Variants in CEP104 observed in about 807,000 individuals in gnomAD.
CEP104 encodes centrosomal protein 104.
In CEP104, 84 loss-of-function variants were observed where a neutral mutation model predicts 113.3. The ratio of observed to expected loss-of-function variants is 0.74; its 90% CI spans 0.62 to 0.89. The LOEUF (loss-of-function observed/expected upper bound fraction) is 0.89. CEP104 is among the 40% of genes least tolerant of loss of function. CEP104 has a pLI of 0.00. For missense variants in CEP104, 1,053 were observed against 1,156.6 expected (o/e 0.91, Z 1.30); for synonymous variants, 378 against 421.7 (o/e 0.90, Z 1.27).
chr1:3,837,333 C>A lies in CEP104; in HGVS notation c.1078G>T (p.Asp360Tyr), dbSNP rs138041564. The A allele has an allele frequency of 6.2e-7, 1 of 1,613,970 alleles. No homozygotes were observed. The highest frequency in any genetic ancestry group is 8.5e-7 in the Non-Finnish European group (1 of 1,179,884). Residue 360 changes from aspartate to tyrosine, a missense_variant, in exon 9 of 22, where the codon GAC becomes TAC. By Grantham distance (160) the Asp-to-Tyr change is radical. Transcript: ENST00000378230. ...GGATCTGTGGCAGGGAGTAACGGGT[C>A]TACTGCAGAATGCTGAGGAGAAATA... ...LTISPQHSAVDPLLPATDPHP... is the reference protein window; with the variant it reads ...LTISPQHSAVYPLLPATDPHP...
chr1:3,839,978 C>T (rs770907047), intron 6 of CEP104, among the ~76,000 whole-genome samples: 57 of 152,258 alleles, frequency 3.7e-4, no homozygotes, highest in Non-Finnish European at 2.4e-4. Context: ...TTTCTGACTC[C>T]AAAGCTCACG....
chr1:3,829,259 T>C lies in CEP104; in HGVS notation c.2151+7A>G. On this transcript the variant is annotated splice_region_variant and intron_variant, in intron 15 of 21. Transcript: ENST00000378230. ...GCACACAGGTGAAAGACGTGTTAAC[T>C]TCCAACCTGAACTTCAGCCTGAATT... The C allele has an allele frequency of 6.4e-7, 1 of 1,572,076 alleles. No individual in the cohort carries two copies.
At chr1:3,854,225 C>T (rs1159965651) in intron 1 of CEP104, among the ~76,000 whole-genome samples, 2 of 152,144 alleles carry the variant, frequency 1.3e-5, no homozygotes, top group African/African-American at 4.8e-5. Context: ...CCTGGTGTCC[C>T]CACCTGAAGC....
rs1348342227 is a variant in CEP104, at chr1:3,812,966, T to C, written c.*2436A>G. On this transcript the variant is annotated 3_prime_UTR_variant, in exon 22 of 22. Coordinates refer to ENST00000378230, the MANE Select transcript of CEP104 (RefSeq NM_014704.4). ...CTTGTCAATCACTAAAAATGAAGTCTTTTTATAAGTATTTTCTTTAAGTTA... is the reference window on the plus strand; with the variant it reads ...CTTGTCAATCACTAAAAATGAAGTCCTTTTATAAGTATTTTCTTTAAGTTA... The C allele has an allele frequency of 2.0e-5, 3 of 152,184 alleles. No individual in the cohort carries two copies. The East Asian group carries it at 5.8e-4, about 29-fold the overall frequency. The allele number at this position is 152,184 out of a possible 1,614,324, so 9.4% of individuals were successfully genotyped here.
intron 13 of CEP104, among the ~76,000 whole-genome samples, 157 bp downstream of exon 13, chr1:3,830,889 T>C (rs539611062): frequency 1.3e-5 from 2 of 152,076 alleles, no homozygotes; most frequent in Admixed American, 1.3e-4. Flanking sequence ...GCAGGACGCA[T>C]GTGGGGGCCC....
At chr1:3,829,516 C>T (rs543889769) in intron 14 of CEP104, 143 bp from the exon 15 acceptor site, 3 of 676,984 alleles carry the variant, frequency 4.4e-6, no homozygotes, top group South Asian at 4.0e-5. Flanking sequence ...AAGTCTTTTC[C>T]ATTGATTTCA....
intron 11 of CEP104, among the ~76,000 whole-genome samples, chr1:3,834,450 A>T (rs1007022984): frequency 1.3e-5 from 2 of 152,104 alleles, no homozygotes; most frequent in Admixed American, 6.5e-5. Context: ...TCCCTGCTTC[A>T]ATGGGTAAGC....
Position 3,825,758 on chromosome 1 carries a change from C to T in CEP104, c.2364G>A (p.Gln788=). ...CTGGCTGCTGTGCCGCTGGCCTGAC[C>T]TGTTTGCAGTGGTCACATCTTGTCA... ...LMLTRCDHCK[Q]VVEISSLTEH... is the part of the protein sequence containing the mutation. The change falls in exon 18 of 22, where the codon CAG becomes CAA. Residue 788 remains glutamine (Q), a splice_region_variant and synonymous_variant. Coordinates refer to ENST00000378230, the MANE Select transcript of CEP104 (RefSeq NM_014704.4). The T allele has an allele frequency of 6.2e-7, 1 of 1,605,966 alleles. No individual in the cohort carries two copies. Among genetic ancestry groups the T allele is most frequent in the Non-Finnish European group, 8.5e-7 (1 of 1,172,568 alleles).
chr1:3,834,256 T>C (rs1217228960), intron 11 of CEP104, among the ~76,000 whole-genome samples: 1 of 152,208 alleles, frequency 6.6e-6, no homozygotes, highest in Non-Finnish European at 1.5e-5. Context: ...ACTCCCCATC[T>C]TCCCTTCATA....
In CEP104 at chr1:3,848,712, T is replaced by A. The variant is rs1298893588; in HGVS notation, c.183A>T (p.Leu61Phe). Residue 61 changes from leucine to phenylalanine, a missense_variant, in exon 3 of 22, where the codon TTA becomes TTT. Physicochemically the swap from Leu to Phe is conservative, Grantham distance 22. Transcript: ENST00000378230. ...VERCRIRKLQ[L>F]LAHQYMISSK... ...TTGAAATCATATACTGGTGAGCAAGTAACTGCAGTTTCCTTATTCGACATC... is the reference window on the plus strand; with the variant it reads ...TTGAAATCATATACTGGTGAGCAAGAAACTGCAGTTTCCTTATTCGACATC... 3 of 1,613,712 alleles carry A rather than the reference T, an allele frequency of 1.9e-6. No homozygotes were observed. The highest frequency in any genetic ancestry group is 1.7e-6 in the Non-Finnish European group (2 of 1,179,886).
chr1:3,847,420 T>C, intron 4 of CEP104, 55 bp downstream of exon 4: 1 of 1,483,482 alleles, frequency 6.7e-7, no homozygotes, highest in South Asian at 1.3e-5. Flanking sequence ...CGTGACCACA[T>C]AATCCCACAA....
rs752739283 is a variant in CEP104 at position 3,847,460 on chromosome 1, C to A, written c.426+15G>T. On this transcript the variant is annotated intron_variant, in intron 4 of 21. Coordinates refer to ENST00000378230, the MANE Select transcript of CEP104 (RefSeq NM_014704.4). ...GGTAGGGGCAGAATCAAAGGCGAAG[C>A]TGCATGCATCTTACCTGATTATATA... The A allele has an allele frequency of 1.9e-6, 3 of 1,563,120 alleles. No homozygotes were observed. Among genetic ancestry groups the A allele is most frequent in the Non-Finnish European group, 2.6e-6 (3 of 1,157,022 alleles).
chr1:3,837,392 A>G lies in CEP104; in HGVS notation c.1019T>C (p.Phe340Ser). The G allele has an allele frequency of 6.2e-7, 1 of 1,614,220 alleles. No homozygotes were observed. Residue 340 changes from phenylalanine to serine, a missense_variant, in exon 9 of 22, where the codon TTC becomes TCC. Transcript: ENST00000378230. ...RGTENQFAEPFLQEKPSSYSL... is the reference protein window; with the variant it reads ...RGTENQFAEPSLQEKPSSYSL... ...ATATGATGAAGGCTTTTCCTGAAGG[A>G]AAGGTTCTGCAAACTGGTTTTCTGT... is the stretch of plus-strand genomic sequence containing the variant.
At chr1:3,816,229 G>A (rs1347572731) in intron 21 of CEP104, 51 bp downstream of exon 21, 13 of 1,473,994 alleles carry the variant, frequency 8.8e-6, no homozygotes, top group East Asian at 2.5e-5. Flanking sequence ...TTTTGAATAA[G>A]TCAAAATGGA....
chr1:3,845,710 G>C (rs901542253), intron 4 of CEP104, among the ~76,000 whole-genome samples: 1 of 152,108 alleles, frequency 6.6e-6, no homozygotes, highest in Non-Finnish European at 1.5e-5. Flanking sequence ...AAAATGTTAT[G>C]CCAATATAAA....
Position 3,834,877 on chromosome 1 carries a change from T to C in CEP104, c.1485+48A>G, listed in dbSNP as rs200897818. ...CTCTGGTCTTCTGTGGTACGGCGCA[T>C]GATCTCATCCATGCACGCTGGAGCC... On this transcript the variant is annotated intron_variant, in intron 11 of 21. Transcript: ENST00000378230. 7.1e-5 allele frequency: 109 copies of C among 1,529,708 alleles called. 1 individual carries two copies. In the South Asian group the frequency reaches 1.1e-3, roughly 16 times the overall value. The allele number at this position is 1,529,708 out of a possible 1,614,324, so 94.8% of individuals were successfully genotyped here.
chr1:3,829,353 T>G lies in CEP104; in HGVS notation c.2064A>C (p.Thr688=), dbSNP rs1384142182. 1 of 1,610,608 alleles carries G rather than the reference T, an allele frequency of 6.2e-7. No homozygotes were observed. The change falls in exon 15 of 22, where the codon ACA becomes ACC. Residue 688 remains threonine (T), a synonymous_variant. Coordinates refer to ENST00000378230, the MANE Select transcript of CEP104 (RefSeq NM_014704.4). ...CTTTCTTTTGTTTTTCTGCTTCTTC[T>G]GTAGCCGCTTTTCTCCGTGCCTGGT... The part of the protein sequence containing the change: ...AEMRARRKAA[T]EEAEKQKKEE...
At chr1:3,825,621 G>A in intron 18 of CEP104, 137 bp downstream of exon 18, 1 of 638,864 alleles carries the variant, frequency 1.6e-6, no homozygotes, top group Non-Finnish European at 2.8e-6. Context: ...TTGCGGGTGT[G>A]TGCTTGGCTT....
chr1:3,855,861 T>C, intron 1 of CEP104: 1 of 977,076 alleles, frequency 1.0e-6, no homozygotes, highest in Non-Finnish European at 1.2e-6. Flanking sequence ...AGTTATTGGC[T>C]GGTCTTCCTC....
Sources: allele counts gnomAD v4.1 joint callset (sites outside exome capture counted in the v4.1 genomes callset), GRCh38; gene constraint gnomAD v4.1.1; transcripts MANE v1.5; gene names NCBI Gene and HGNC (gene_info 2026-07-23, HGNC 2026-07-21).